The following FRMD5 variants were observed in gnomAD, a reference collection of about 807,000 sequenced individuals.
FRMD5 encodes the protein FERM domain containing 5, also known as FERM domain-containing protein 5.
Under a neutral mutation model 69.0 loss-of-function variants are expected in FRMD5, and 20 were observed. The ratio of observed to expected loss-of-function variants is 0.29; its 90% CI spans 0.20 to 0.42. FRMD5 has a LOEUF of 0.42. Among genes scored for constraint, FRMD5 ranks in the 10% least tolerant of loss-of-function variants. FRMD5 has a pLI of 1.00. For missense variants in FRMD5, 595 were observed against 708.6 expected, an observed-to-expected ratio of 0.84 and a Z score of 1.82; for synonymous variants, 271 against 260.1, an observed-to-expected ratio of 1.04 and a Z score of -0.40.
upstream of FRMD5, among the ~76,000 whole-genome samples, chr15:44,197,695 A>AAAAG (rs1272694040): frequency 3.1e-4 from 46 of 150,780 alleles, no homozygotes; most frequent in African/African-American, 1.1e-3. Context: ...AAAAAAAAAA[A>AAAAG]AAAGAAAGAA....
chr15:43,910,010 G>GCAATCAAA, intron 4 of FRMD5, 31 bp from the exon 5 acceptor site: 1 of 1,253,928 alleles, frequency 8.0e-7, no homozygotes, highest in Non-Finnish European at 1.2e-6. Context: ...AAACTATAAA[G>GCAATCAAA]GATTTCTTTG....
chr15:44,005,820 C>T (rs561421408), intron 1 of FRMD5, among the ~76,000 whole-genome samples: 2 of 152,302 alleles, frequency 1.3e-5, no homozygotes, highest in Admixed American at 6.5e-5. Flanking sequence ...GGCCCTACCT[C>T]CAGCACTGGG....
chr15:44,048,762 A>G (rs573265177), intron 1 of FRMD5, among the ~76,000 whole-genome samples: 12 of 152,142 alleles, frequency 7.9e-5, no homozygotes, highest in Admixed American at 3.9e-4. Flanking sequence ...TAGTAGAGAC[A>G]GGGTTTCGTC....
intron 1 of FRMD5, among the ~76,000 whole-genome samples, chr15:43,934,418 C>T (rs1457621779): frequency 1.3e-5 from 2 of 152,118 alleles, no homozygotes; most frequent in African/African-American, 4.8e-5. Flanking sequence ...TAATAACATC[C>T]CAGGTCCATC....
intron 1 of FRMD5, among the ~76,000 whole-genome samples, chr15:44,159,335 C>CA (rs1329882090): frequency 6.6e-6 from 1 of 152,062 alleles, no homozygotes; most frequent in Middle Eastern, 3.2e-3. Context: ...TGAGATGCAA[C>CA]AGGGCTAGAC....
intron 1 of FRMD5, among the ~76,000 whole-genome samples, chr15:43,991,816 G>A (rs992954130): frequency 3.9e-5 from 6 of 152,152 alleles, no homozygotes; most frequent in African/African-American, 1.4e-4. Flanking sequence ...TGCTAAACTC[G>A]AATCTTGGTC....
intron 1 of FRMD5, among the ~76,000 whole-genome samples, chr15:44,004,179 T>G (rs1290881226): frequency 6.6e-6 from 1 of 152,212 alleles, no homozygotes; most frequent in East Asian, 1.9e-4. Flanking sequence ...TACAAGAAAT[T>G]TAGTAACACA....
At chr15:44,151,584 C>A (rs1189445423) in intron 1 of FRMD5, among the ~76,000 whole-genome samples, 1 of 151,822 alleles carries the variant, frequency 6.6e-6, no homozygotes, top group East Asian at 1.9e-4. Flanking sequence ...GATGAAACTA[C>A]AAAACAGTGC....
At chr15:44,010,389 T>G (rs1421672165) in intron 1 of FRMD5, among the ~76,000 whole-genome samples, 1 of 130,380 alleles carries the variant, frequency 7.7e-6, no homozygotes, top group Non-Finnish European at 1.6e-5. Flanking sequence ...TTCTCAATCT[T>G]TTTTCCTTTT....
chr15:44,113,390 CT>C (rs2140601538), intron 1 of FRMD5, among the ~76,000 whole-genome samples: 2 of 152,220 alleles, frequency 1.3e-5, no homozygotes, highest in East Asian at 3.9e-4. Context: ...TTGTTTTTCA[CT>C]TTTTAATTTT....
chr15:44,029,714 C>T (rs1223224551), intron 1 of FRMD5, among the ~76,000 whole-genome samples: 2 of 152,164 alleles, frequency 1.3e-5, no homozygotes, highest in African/African-American at 2.4e-5. Context: ...TTTCTCAACA[C>T]TCTAGCAATA....
chr15:43,961,324 G>T (rs557354031), intron 1 of FRMD5, among the ~76,000 whole-genome samples: 2 of 152,216 alleles, frequency 1.3e-5, no homozygotes, highest in South Asian at 4.2e-4. Flanking sequence ...GAAATTCCTC[G>T]ACACATACAC....
At chr15:44,068,825 G>A (rs1276634497) in intron 1 of FRMD5, among the ~76,000 whole-genome samples, 1 of 152,128 alleles carries the variant, frequency 6.6e-6, no homozygotes, top group African/African-American at 2.4e-5. Flanking sequence ...ATTCAGAATG[G>A]AATCATGATT....
intron 1 of FRMD5, among the ~76,000 whole-genome samples, chr15:43,950,458 G>A (rs537825496): frequency 6.6e-6 from 1 of 152,278 alleles, no homozygotes; most frequent in East Asian, 1.9e-4. Flanking sequence ...ACAAGTCCTT[G>A]GGGATGATGA....
At chr15:44,102,143 T>A (rs902923496) in intron 1 of FRMD5, among the ~76,000 whole-genome samples, 2 of 152,206 alleles carry the variant, frequency 1.3e-5, no homozygotes, top group African/African-American at 4.8e-5. Context: ...ACAAACCAGA[T>A]GCAGTTGATC....
At chr15:44,197,766 G>T (rs1211227662), upstream of FRMD5, among the ~76,000 whole-genome samples, 2 of 150,676 alleles carry the variant, frequency 1.3e-5, no homozygotes, top group African/African-American at 4.9e-5. Context: ...GTTTGTTATA[G>T]AATCAACAAG....
At chr15:44,086,049 C>T (rs771686979) in intron 1 of FRMD5, among the ~76,000 whole-genome samples, 1 of 152,018 alleles carries the variant, frequency 6.6e-6, no homozygotes, top group Non-Finnish European at 1.5e-5. Flanking sequence ...ACCAAGAGGG[C>T]CTGAAGACTG....
chr15:43,908,924 A>T (rs919646318), intron 5 of FRMD5, among the ~76,000 whole-genome samples: 2 of 152,158 alleles, frequency 1.3e-5, no homozygotes, highest in Admixed American at 1.3e-4. Flanking sequence ...GCCTGAGAGG[A>T]TGGGGAAAAA....
chr15:44,014,508 G>A (rs915597821), intron 1 of FRMD5, among the ~76,000 whole-genome samples: 3 of 152,100 alleles, frequency 2.0e-5, no homozygotes, highest in East Asian at 1.9e-4. Context: ...AGGCCGAGGC[G>A]GGAAGATTGC....
Sources: gnomAD v4.1 joint callset for allele counts (sites outside exome capture counted in the v4.1 genomes callset) on GRCh38, gnomAD v4.1.1 for gene constraint, MANE v1.5 for transcripts, NCBI Gene and HGNC (gene_info 2026-07-23, HGNC 2026-07-21) for gene names.